The following SLC4A10 variants were observed in gnomAD, a reference collection of about 807,000 sequenced individuals.
SLC4A10 encodes solute carrier family 4 member 10.
SLC4A10 carries 42 observed loss-of-function variants against 137.7 expected under a neutral mutation model. The observed-to-expected ratio is 0.30, with a 90% CI of 0.24 to 0.39. SLC4A10 has a LOEUF of 0.39. Among genes scored for constraint, SLC4A10 ranks in the 10% least tolerant of loss-of-function variants. The pLI is 1.00. For synonymous variants in SLC4A10, 474 were observed against 464.1 expected, an observed-to-expected ratio of 1.02 and a Z score of -0.27; for missense variants, 925 against 1,355.0, an observed-to-expected ratio of 0.68 and a Z score of 4.98.
chr2:161,831,081 T>G (rs2058405229), intron 3 of SLC4A10, among the ~76,000 whole-genome samples: 1 of 152,098 alleles, frequency 6.6e-6, no homozygotes, highest in African/African-American at 2.4e-5. Flanking sequence ...TTTAAGAGTC[T>G]TAAAGAAGGC....
chr2:161,896,054 A>G (rs201079676), intron 11 of SLC4A10, among the ~76,000 whole-genome samples: 9,878 of 151,322 alleles, frequency 0.065, 376 homozygotes, highest in East Asian at 0.13. Context: ...TAGGTCTAAC[A>G]TTTAAGTCTT....
intron 1 of SLC4A10, among the ~76,000 whole-genome samples, chr2:161,700,837 G>A (rs998701066): frequency 1.3e-5 from 2 of 152,146 alleles, no homozygotes; most frequent in Non-Finnish European, 1.5e-5. Flanking sequence ...GCTCTGTAGT[G>A]TCTACATTCT....
chr2:161,818,303 A>G (rs1437053962), intron 3 of SLC4A10, among the ~76,000 whole-genome samples: 1 of 152,154 alleles, frequency 6.6e-6, no homozygotes, highest in Non-Finnish European at 1.5e-5. Flanking sequence ...GTGTATAAGA[A>G]TGCTTATGAT....
intron 4 of SLC4A10, among the ~76,000 whole-genome samples, chr2:161,841,399 G>T (rs2059173274): frequency 6.6e-6 from 1 of 151,992 alleles, no homozygotes; most frequent in African/African-American, 2.4e-5. Flanking sequence ...TTATTGTTTT[G>T]TTAGGCTATC....
chr2:161,935,129 T>C (rs535874212), intron 15 of SLC4A10, among the ~76,000 whole-genome samples: 23 of 152,300 alleles, frequency 1.5e-4, no homozygotes, highest in African/African-American at 5.3e-4. Context: ...CCAACACCAT[T>C]TGTTGAAGAG....
chr2:161,676,477 G>A, intron 1 of SLC4A10, among the ~76,000 whole-genome samples: 1 of 152,004 alleles, frequency 6.6e-6, no homozygotes, highest in East Asian at 1.9e-4. Flanking sequence ...AAATTTAGGT[G>A]GTGTGGTAAT....
intron 23 of SLC4A10, 64 bp from the exon 24 acceptor site, chr2:161,974,185 C>A: frequency 7.5e-7 from 1 of 1,331,902 alleles, no homozygotes; most frequent in Middle Eastern, 1.8e-4. Context: ...ATCTGTGTTT[C>A]TTCTTTAATG....
intron 15 of SLC4A10, among the ~76,000 whole-genome samples, chr2:161,939,598 T>A (rs573475710): frequency 2.5e-4 from 38 of 152,284 alleles, no homozygotes; most frequent in Admixed American, 5.2e-4. Context: ...ATTCTCACCT[T>A]TCCTCCCAAC....
chr2:161,915,907 A>T (rs1186660382), intron 15 of SLC4A10, among the ~76,000 whole-genome samples: 1 of 152,190 alleles, frequency 6.6e-6, no homozygotes, highest in Non-Finnish European at 1.5e-5. Flanking sequence ...AGACACTAGG[A>T]ATGTACATTT....
intron 21 of SLC4A10, among the ~76,000 whole-genome samples, chr2:161,963,435 A>T (rs1203378042): frequency 2.6e-5 from 4 of 152,156 alleles, no homozygotes; most frequent in Non-Finnish European, 5.9e-5. Context: ...TTAATCAAGA[A>T]ATTAAATAGA....
chr2:161,867,231 T>C (rs2125908179), intron 6 of SLC4A10, among the ~76,000 whole-genome samples: 1 of 152,090 alleles, frequency 6.6e-6, no homozygotes, highest in Non-Finnish European at 1.5e-5. Context: ...ACATTGTAGT[T>C]ACTTCTTTTA....
chr2:161,934,272 A>G (rs1302228361), intron 15 of SLC4A10, among the ~76,000 whole-genome samples: 1 of 152,046 alleles, frequency 6.6e-6, no homozygotes, highest in Non-Finnish European at 1.5e-5. Context: ...CTACCTAACT[A>G]TATTTTTGTA....
chr2:161,883,461 C>A (rs1375175041), intron 10 of SLC4A10, among the ~76,000 whole-genome samples: 1 of 152,004 alleles, frequency 6.6e-6, no homozygotes, highest in Non-Finnish European at 1.5e-5. Flanking sequence ...TATTTATGCA[C>A]AAGAAAGCAA....
chr2:161,889,118 A>G (rs535538713), intron 10 of SLC4A10, among the ~76,000 whole-genome samples: 114 of 152,208 alleles, frequency 7.5e-4, no homozygotes, highest in Non-Finnish European at 1.4e-3. Context: ...CCAGCCTTGC[A>G]TCCCAGGGAT....
Position 161,893,786 on chromosome 2 carries a change from G to A in SLC4A10, c.1195-893G>A, listed in dbSNP as rs192731784. On this transcript the variant is annotated intron_variant, in intron 10 of 26. Transcript: ENST00000446997. The stretch of plus-strand genomic sequence containing the variant: ...AAATAATATGCATAAAAATTATACA[G>A]TATAATAAATATATAGCATATACAT... Among the ~76,000 whole-genome samples the A allele has an allele frequency of 3.3e-3, 502 of 151,806 alleles. 1 individual carries two copies. The highest frequency in any genetic ancestry group is 5.2e-3 in the Non-Finnish European group (352 of 67,890).
intron 3 of SLC4A10, among the ~76,000 whole-genome samples, chr2:161,815,795 T>G (rs1474249138): frequency 2.6e-5 from 4 of 152,156 alleles, no homozygotes; most frequent in African/African-American, 9.6e-5. Flanking sequence ...GAGAAGCTTC[T>G]GCCTCTCAAT....
At chr2:161,742,439 C>CTTT (rs35953656) in intron 1 of SLC4A10, among the ~76,000 whole-genome samples, 61 of 82,530 alleles carry the variant, frequency 7.4e-4, no homozygotes, top group Non-Finnish European at 8.8e-4. Flanking sequence ...TTCTTTCTTT[C>CTTT]TTTTTTTTTT....
At chr2:161,792,553 C>A (rs541086284) in intron 2 of SLC4A10, among the ~76,000 whole-genome samples, 7 of 152,208 alleles carry the variant, frequency 4.6e-5, no homozygotes, top group African/African-American at 1.7e-4. Context: ...TGACTAAATT[C>A]TTAAATCTCT....
intron 2 of SLC4A10, among the ~76,000 whole-genome samples, chr2:161,799,317 T>C (rs2055128223): frequency 1.3e-5 from 2 of 151,922 alleles, no homozygotes; most frequent in African/African-American, 4.8e-5. Context: ...CAATGACATC[T>C]ATCATTAAAT....
Sources: gnomAD v4.1 joint callset for allele counts (sites outside exome capture counted in the v4.1 genomes callset) on GRCh38, gnomAD v4.1.1 for gene constraint, MANE v1.5 for transcripts, NCBI Gene and HGNC (gene_info 2026-07-23, HGNC 2026-07-21) for gene names.